IGFBP3: variants seen among roughly 807,000 people sequenced by gnomAD.
The protein encoded by IGFBP3 is insulin like growth factor binding protein 3, also known as insulin-like growth factor-binding protein 3.
IGFBP3 carries 9 observed loss-of-function variants against 28.6 expected under a neutral mutation model. The observed-to-expected ratio is 0.31, with a 90% CI of 0.19 to 0.55. The LOEUF is 0.55. Ranked by LOEUF, IGFBP3 falls within the 20% of genes least tolerant of loss-of-function variation. The pLI is 0.93. For missense variants in IGFBP3, 382 were observed against 428.9 expected (o/e 0.89, Z 0.97); for synonymous variants, 185 against 188.2 (o/e 0.98, Z 0.14).
chr7:45,916,754 AC>A, intron 2 of IGFBP3, 87 bp from the exon 3 acceptor site: 1 of 1,446,186 alleles, frequency 6.9e-7, no homozygotes, highest in Non-Finnish European at 9.6e-7. Flanking sequence ...CTGCACAACT[AC>A]CAAAAGTGGG....
At chr7:45,917,786 G>A (rs1016191738) in intron 1 of IGFBP3, among the ~76,000 whole-genome samples, 41 of 152,326 alleles carry the variant, frequency 2.7e-4, no homozygotes, top group Non-Finnish European at 4.8e-4. Flanking sequence ...AGCCACGGGA[G>A]GCTGCTGCAG....
In IGFBP3 at chr7:45,920,879, A is replaced by G; in HGVS notation, c.262T>C (p.Cys88Arg). The G allele has an allele frequency of 7.0e-7, 1 of 1,427,826 alleles. No individual in the cohort carries two copies. Among genetic ancestry groups the G allele is most frequent in the Non-Finnish European group, 9.1e-7 (1 of 1,098,110 alleles). The allele number at this position is 1,427,826 out of a possible 1,614,324, so 88.4% of individuals were successfully genotyped here. ...GQPCGIYTER[C>R]GSGLRCQPSP... is the part of the protein sequence containing the mutation. Reference sequence around the variant, plus strand: ...GGCTGGCAGCGAAGGCCGGAGCCACAGCGCTCGGTGTAGATGCCGCACGGC... The same window carrying G: ...GGCTGGCAGCGAAGGCCGGAGCCACGGCGCTCGGTGTAGATGCCGCACGGC... Residue 88 changes from cysteine (C) to arginine (R), a missense_variant, in exon 1 of 5, where the codon TGT becomes CGT. Transcript: ENST00000613132.
Position 45,920,851 on chromosome 7 carries a change from G to A in IGFBP3, c.290C>T (p.Ser97Leu), listed in dbSNP as rs915967120. 2 of 1,415,054 alleles carry A rather than the reference G, an allele frequency of 1.4e-6. No homozygotes were observed. Among genetic ancestry groups the A allele is most frequent in the Non-Finnish European group, 1.8e-6 (2 of 1,092,340 alleles). 87.7% of individuals were successfully genotyped at this position (1,415,054 alleles called of 1,614,324 possible). Residue 97 changes from serine (S) to leucine (L), a missense_variant, in exon 1 of 5, where the codon TCG becomes TTG. By Grantham distance (145) the Ser-to-Leu change is moderately radical (BLOSUM62 -2). Transcript: ENST00000613132. ...CTGCAGCGGTCGCGCCTCGTCGGGC[G>A]ACGGCTGGCAGCGAAGGCCGGAGCC... ...RCGSGLRCQP[S>L]PDEARPLQAL...
In IGFBP3 at chr7:45,916,658, G is replaced by A. The variant is rs772535932; in HGVS notation, c.640C>T (p.Arg214Cys). ...TTCAGTGTGTCTTCCATTTCTCTAC[G>A]GCAGGGACCCTGGGGATCAGGAAGG... ...SKRETEYGPC[R>C]REMEDTLNHL... The change falls in exon 3 of 5, where the codon CGT (arginine) becomes TGT (cysteine). Residue 214 changes from arginine to cysteine, a missense_variant. Physicochemically the swap from Arg to Cys is radical, Grantham distance 180. Coordinates refer to ENST00000613132, the MANE Select transcript of IGFBP3 (RefSeq NM_000598.5). The A allele has an allele frequency of 1.9e-6, 3 of 1,612,270 alleles. No individual in the cohort carries two copies. The highest frequency in any genetic ancestry group is 1.1e-5 in the South Asian group (1 of 90,976).
intron 1 of IGFBP3, 132 bp from the exon 2 acceptor site, chr7:45,917,571 T>C (rs973706972): frequency 4.1e-5 from 26 of 636,128 alleles, no homozygotes; most frequent in Non-Finnish European, 6.6e-5. Context: ...AGTTTTTTTT[T>C]TTAAAATACC....
intron 3 of IGFBP3, 155 bp from the exon 4 acceptor site, chr7:45,915,100 C>G: frequency 1.3e-6 from 1 of 780,202 alleles, no homozygotes; most frequent in East Asian, 2.8e-5. Context: ...CCATGCGTGC[C>G]TAGGCCCGCT....
intron 2 of IGFBP3, 143 bp from the exon 3 acceptor site, chr7:45,916,810 A>T (rs35052563): frequency 0.024 from 20,183 of 848,628 alleles, 1,571 homozygotes; most frequent in Admixed American, 0.18. Flanking sequence ...ATGTAGCACG[A>T]AAGTCCCCCG....
intron 4 of IGFBP3, 142 bp downstream of exon 4, chr7:45,914,663 T>C (rs1346385077): frequency 1.4e-6 from 1 of 723,616 alleles, no homozygotes; most frequent in Non-Finnish European, 2.2e-6. Flanking sequence ...CTCTGTCCTA[T>C]TTGCTTTGCT....
chr7:45,920,487 C>G lies in IGFBP3; in HGVS notation c.403+251G>C, dbSNP rs975764950. 9.2e-5 allele frequency: 36 copies of G among 392,758 alleles called. No individual in the cohort carries two copies. The Admixed American group carries it at 1.0e-3, about 11-fold the overall frequency. The allele number at this position is 392,758 out of a possible 1,614,324, so 24.3% of individuals were successfully genotyped here. ...CCCTCAGCTCCGGAAACCTTTAACC[C>G]ATTTTCACTGAAAGCGCTTTGCAAT... On this transcript the variant is annotated intron_variant, in intron 1 of 4. Coordinates refer to ENST00000613132, the MANE Select transcript of IGFBP3 (RefSeq NM_000598.5).
Position 45,913,019 on chromosome 7 carries a change from T to A in IGFBP3, c.*831A>T, listed in dbSNP as rs1000366084. On this transcript the variant is annotated 3_prime_UTR_variant, in exon 5 of 5. Coordinates refer to ENST00000613132, the MANE Select transcript of IGFBP3 (RefSeq NM_000598.5). ...AACTACAAAACACTATTTTCTGCAG[T>A]CATCCGAAGAATTGTGCCATTACTT... 6.6e-5 allele frequency: 10 copies of A among 152,166 alleles called. No individual in the cohort carries two copies. Among genetic ancestry groups the A allele is most frequent in the Non-Finnish European group, 1.2e-4 (8 of 68,042 alleles). The allele number at this position is 152,166 out of a possible 1,614,324, so 9.4% of individuals were successfully genotyped here.
At chr7:45,915,092 A>G (rs2116574482) in intron 3 of IGFBP3, 147 bp from the exon 4 acceptor site, 1 of 902,274 alleles carries the variant, frequency 1.1e-6, no homozygotes, top group Non-Finnish European at 1.7e-6. Flanking sequence ...CACAAGAGCC[A>G]TGCGTGCCTA....
At position 45,920,897 on chromosome 7, in the gene IGFBP3, C is replaced by T; in HGVS notation, c.244G>A (p.Gly82Ser). The stretch of plus-strand genomic sequence containing the variant: ...GAGCCACAGCGCTCGGTGTAGATGC[C>T]GCACGGCTGGCCCTCGCTCAGTGCG... The part of the protein sequence containing the change: ...TCALSEGQPC[G>S]IYTERCGSGL... The change falls in exon 1 of 5, where the codon GGC (glycine) becomes AGC (serine). Residue 82 changes from glycine to serine, a missense_variant. Coordinates refer to ENST00000613132, the MANE Select transcript of IGFBP3 (RefSeq NM_000598.5). The T allele has an allele frequency of 1.4e-6, 2 of 1,436,296 alleles. No homozygotes were observed. The highest frequency in any genetic ancestry group is 1.4e-5 in the South Asian group (1 of 72,028). 89.0% of individuals were successfully genotyped at this position (1,436,296 alleles called of 1,614,324 possible).
chr7:45,916,853 T>C, intron 2 of IGFBP3, 186 bp from the exon 3 acceptor site: 5 of 601,586 alleles, frequency 8.3e-6, no homozygotes, highest in Non-Finnish European at 1.5e-5. Flanking sequence ...GTCTCCTTTT[T>C]GCTCTTCCCA....
intron 3 of IGFBP3, 117 bp downstream of exon 3, chr7:45,916,431 T>C (rs1583670525): frequency 3.0e-6 from 3 of 1,005,486 alleles, no homozygotes. Flanking sequence ...TCCTGGGCAC[T>C]GGTGCTGCAC....
chr7:45,921,049 G>T lies in IGFBP3; in HGVS notation c.92C>A (p.Ser31Ter). ...GCGCACCACGGGACCCAAGCCCGCC[G>T]AGCTCGCGCCAGCCCGCGCCACCGG... Reference protein sequence around the residue: ...GPPVARAGASSAGLGPVVRCE... With the variant: ...GPPVARAGAS The change falls in exon 1 of 5, where the codon TCG becomes TAG. Residue 31 changes from serine to a stop codon, truncating the protein, a stop_gained. Transcript: ENST00000613132. LOFTEE classifies it high-confidence loss of function. 1 of 1,443,988 alleles carries T rather than the reference G, an allele frequency of 6.9e-7. No homozygotes were observed. The highest frequency in any genetic ancestry group is 9.0e-7 in the Non-Finnish European group (1 of 1,106,142). 89.4% of individuals were successfully genotyped at this position (1,443,988 alleles called of 1,614,324 possible). A position where few individuals can be genotyped will look rare whatever the true frequency, so the allele number is the denominator to read the frequency against.
At chr7:45,914,374 A>C (rs1231290351) in intron 4 of IGFBP3, 2 of 152,896 alleles carry the variant, frequency 1.3e-5, no homozygotes, top group African/African-American at 2.4e-5. Flanking sequence ...GAGCTATTTC[A>C]GCTGTCTCAC....
chr7:45,914,407 C>A (rs1247256593), intron 4 of IGFBP3: 1 of 154,326 alleles, frequency 6.5e-6, no homozygotes, highest in African/African-American at 2.4e-5. Context: ...AATTTAGAAA[C>A]ATGTATCTTT....
rs1784588684 is a variant in IGFBP3 at position 45,914,904 on chromosome 7, A to G, written c.792T>C (p.Cys264=). The G allele has an allele frequency of 6.2e-7, 1 of 1,614,042 alleles. No individual in the cohort carries two copies. The highest frequency in any genetic ancestry group is 2.2e-5 in the East Asian group (1 of 44,868). The stretch of plus-strand genomic sequence containing the variant: ...GGAGAGGCTGCCCATACTTATCCAC[A>G]CACCAGCAGAAGCCCCGCTTCCTGC... ...SKGRKRGFCW[C]VDKYGQPLPG... is the part of the protein sequence containing the mutation. The change falls in exon 4 of 5, where the codon TGT becomes TGC. Residue 264 remains cysteine, a synonymous_variant. Coordinates refer to ENST00000613132, the MANE Select transcript of IGFBP3 (RefSeq NM_000598.5).
rs1340738827 is a variant in IGFBP3, at chr7:45,913,324, G to A, written c.*526C>T. Reference sequence around the variant, plus strand: ...GACATAAACATTCTTCTTGGTTGAGGGATCCACGCCCTTGTTTCAGAAATG... The same window carrying A: ...GACATAAACATTCTTCTTGGTTGAGAGATCCACGCCCTTGTTTCAGAAATG... On this transcript the variant is annotated 3_prime_UTR_variant, in exon 5 of 5. Coordinates refer to ENST00000613132, the MANE Select transcript of IGFBP3 (RefSeq NM_000598.5). The A allele has an allele frequency of 6.6e-6, 1 of 152,212 alleles. No individual in the cohort carries two copies. 9.4% of individuals were successfully genotyped at this position (152,212 alleles called of 1,614,324 possible).
Sources: allele counts gnomAD v4.1 joint callset (sites outside exome capture counted in the v4.1 genomes callset), GRCh38; gene constraint gnomAD v4.1.1; transcripts MANE v1.5; gene names NCBI Gene and HGNC (gene_info 2026-07-23, HGNC 2026-07-21).